Variants in AFF2 observed in about 807,000 individuals in gnomAD.
The protein encoded by AFF2 is AF4/FMR2 family member 2.
AFF2 carries 14 observed loss-of-function variants against 76.9 expected under a neutral mutation model. That is an observed-to-expected ratio of 0.18 (90% CI 0.12 to 0.28). The LOEUF is 0.28. AFF2 is among the 10% of genes least tolerant of loss of function. The pLI is 1.00. For synonymous variants in AFF2, 398 were observed against 366.7 expected (o/e 1.09, Z -0.98); for missense variants, 868 against 1,001.1 (o/e 0.87, Z 1.79).
rs1338515447 is a variant in AFF2 at position 148,500,631 on chromosome X, AGCCGCT to A, written c.-461_-456del. The stretch of plus-strand genomic sequence containing the variant: ...CCGCGGCCGCCGCCGCCGCCTGTGC[AGCCGCT>A]GCCGCCGCCGCCGCCGCCGCCGCCG... On this transcript the variant is annotated 5_prime_UTR_variant, in exon 1 of 21. Coordinates refer to ENST00000370460, the MANE Select transcript of AFF2 (RefSeq NM_002025.4). 2.2e-4 allele frequency: 14 copies of A among 62,500 alleles called. No individual in the cohort carries two copies. The highest frequency in any genetic ancestry group is 7.2e-4 in the East Asian group (1 of 1,380). The allele number at this position is 62,500 out of a possible 1,213,427, so 5.2% of individuals were successfully genotyped here.
intron 1 of AFF2, among the ~76,000 whole-genome samples, chrX:148,629,079 A>G (rs1459955570): frequency 9.1e-6 from 1 of 109,680 alleles, no homozygotes; most frequent in East Asian, 2.9e-4. Flanking sequence ...CCTCAGGTGA[A>G]TTACAACTAT....
chrX:148,574,471 G>A (rs1557243039), intron 1 of AFF2, among the ~76,000 whole-genome samples: 2 of 111,336 alleles, frequency 1.8e-5, no homozygotes, highest in Non-Finnish European at 3.8e-5. Context: ...CACAGCTCTG[G>A]GTTTGGTTGC....
intron 10 of AFF2, 39 bp from the exon 11 acceptor site, chrX:148,955,564 G>A: frequency 8.5e-7 from 1 of 1,172,307 alleles, no homozygotes; most frequent in Non-Finnish European, 1.1e-6. Flanking sequence ...TCCTTCCCAA[G>A]TGTAAAAATC....
chrX:148,979,766 A>C (rs1007733821), intron 18 of AFF2, among the ~76,000 whole-genome samples: 6 of 112,530 alleles, frequency 5.3e-5, no homozygotes, highest in Non-Finnish European at 9.4e-5. Flanking sequence ...CCTTCTTGAG[A>C]TTAAAAACTG....
At chrX:148,782,075 A>G (rs2069753251) in intron 3 of AFF2, among the ~76,000 whole-genome samples, 1 of 110,140 alleles carries the variant, frequency 9.1e-6, no homozygotes, top group Admixed American at 9.6e-5. Context: ...TGCAGAAATC[A>G]CCTGCCTTCT....
chrX:148,975,394 G>A (rs1262541880), intron 16 of AFF2, among the ~76,000 whole-genome samples: 1 of 112,167 alleles, frequency 8.9e-6, no homozygotes, highest in Non-Finnish European at 1.9e-5. Flanking sequence ...ATACTTTGCA[G>A]CGATTGAAAT....
At chrX:148,577,476 C>T (rs1557243677) in intron 1 of AFF2, among the ~76,000 whole-genome samples, 1 of 112,246 alleles carries the variant, frequency 8.9e-6, no homozygotes, top group East Asian at 2.8e-4. Context: ...CAAACAACTG[C>T]AGTGTCTAAG....
At chrX:148,739,546 G>A (rs1479914100) in intron 3 of AFF2, among the ~76,000 whole-genome samples, 26 of 111,404 alleles carry the variant, frequency 2.3e-4, no homozygotes, top group African/African-American at 8.5e-4. Context: ...TGAGTCTCCT[G>A]AAGGCAGCAG....
At chrX:148,557,224 G>A (rs1342261013) in intron 1 of AFF2, among the ~76,000 whole-genome samples, 2 of 111,961 alleles carry the variant, frequency 1.8e-5, no homozygotes, top group African/African-American at 6.5e-5. Context: ...TTATTTAAAT[G>A]TTAAATGTCT....
intron 1 of AFF2, among the ~76,000 whole-genome samples, chrX:148,602,158 AGCAAAT>A (rs1247883856): frequency 8.9e-6 from 1 of 112,041 alleles, no homozygotes; most frequent in Non-Finnish European, 1.9e-5. Flanking sequence ...CTAAGTGTAT[AGCAAAT>A]GCAAAGGCTC....
At chrX:148,627,061 A>C (rs2053933779) in intron 1 of AFF2, among the ~76,000 whole-genome samples, 1 of 111,125 alleles carries the variant, frequency 9.0e-6, no homozygotes, top group Non-Finnish European at 1.9e-5. Flanking sequence ...AAAATAAAAA[A>C]ATAGCTAGAC....
At chrX:148,553,369 T>C (rs1288266090) in intron 1 of AFF2, among the ~76,000 whole-genome samples, 1 of 112,075 alleles carries the variant, frequency 8.9e-6, no homozygotes, top group Non-Finnish European at 1.9e-5. Context: ...TGTATTTGAG[T>C]CATCATCATT....
rs2072026566 is a variant in AFF2, at chrX:148,955,745, A to G, written c.1700A>G (p.Glu567Gly). 8.3e-7 allele frequency: 1 copy of G among 1,210,004 alleles called. No individual in the cohort carries two copies. The highest frequency in any genetic ancestry group is 1.1e-6 in the Non-Finnish European group (1 of 895,314). ...CCTCCTCCAATCATCCAACCAATGG[A>G]AGTCCAGATGAAAGTGAAGACGAAT... The part of the protein sequence containing the change: ...SLPPPIIQPM[E>G]VQMKVKTNAS... Residue 567 changes from glutamate to glycine, a missense_variant, in exon 11 of 21, where the codon GAA becomes GGA. Physicochemically the swap from Glu to Gly is moderately conservative, Grantham distance 98. This residue lies in a region of AFF2 where 532 missense variants were observed against 564.2 expected (regional missense o/e 0.94). Transcript: ENST00000370460.
rs782684781 is a variant in AFF2 at position 148,795,088 on chromosome X, G to A, written c.1042-14788G>A. On this transcript the variant is annotated intron_variant, in intron 3 of 20. Coordinates refer to ENST00000370460, the MANE Select transcript of AFF2 (RefSeq NM_002025.4). ...TGGGAGGGGGATAACAGATGGAGACGATGTGAAAGGACTTTGTAACCTGGC... is the reference window on the plus strand; with the variant it reads ...TGGGAGGGGGATAACAGATGGAGACAATGTGAAAGGACTTTGTAACCTGGC... 7.1e-5 allele frequency among the ~76,000 whole-genome samples: 8 copies of A among 112,197 alleles called. 1 individual carries two copies. The highest frequency in any genetic ancestry group is 1.1e-4 in the Non-Finnish European group (6 of 53,249).
chrX:148,951,160 T>C (rs1424953671), intron 9 of AFF2, among the ~76,000 whole-genome samples: 1 of 50,164 alleles, frequency 2.0e-5, no homozygotes, highest in Non-Finnish European at 3.8e-5. Context: ...ACAAAACACA[T>C]ACACGCACAC....
chrX:148,830,922 T>C (rs1306023037), intron 4 of AFF2, among the ~76,000 whole-genome samples: 1 of 110,677 alleles, frequency 9.0e-6, no homozygotes, highest in Non-Finnish European at 1.9e-5. Context: ...TTTCATTCCT[T>C]ATCTACAACT....
chrX:148,712,655 G>A (rs994907720), intron 3 of AFF2, among the ~76,000 whole-genome samples: 1 of 112,030 alleles, frequency 8.9e-6, no homozygotes, highest in African/African-American at 3.2e-5. Flanking sequence ...AATATACAAT[G>A]AAATGTCAGA....
chrX:148,817,589 G>C (rs891682622), intron 4 of AFF2, among the ~76,000 whole-genome samples: 1 of 111,704 alleles, frequency 9.0e-6, no homozygotes, highest in East Asian at 2.8e-4. Flanking sequence ...AGAACAAAAA[G>C]AAAAATTTGC....
At chrX:148,868,395 A>T (rs782440959) in intron 7 of AFF2, among the ~76,000 whole-genome samples, 12 of 112,056 alleles carry the variant, frequency 1.1e-4, no homozygotes, top group Admixed American at 3.8e-4. Flanking sequence ...GGCCGAAGTT[A>T]TGCTTTAGAA....
Sources: gnomAD v4.1 joint callset for allele counts (sites outside exome capture counted in the v4.1 genomes callset) on GRCh38, gnomAD v4.1.1 for gene constraint, gnomAD v4.1.1 regional missense constraint, MANE v1.5 for transcripts, NCBI Gene and HGNC (gene_info 2026-07-23, HGNC 2026-07-21) for gene names.